The following SLC7A2 variants were observed in gnomAD, a reference collection of about 807,000 sequenced individuals.
The protein encoded by SLC7A2 is cationic amino acid transporter 2.
SLC7A2 carries 48 observed loss-of-function variants against 58.9 expected under a neutral mutation model. That is an observed-to-expected ratio of 0.82 (90% confidence interval 0.65 to 1.04). The LOEUF (loss-of-function observed/expected upper bound fraction) is 1.04, where lower values mean the gene tolerates loss of function less well. Ranked by LOEUF, SLC7A2 falls within the 50% of genes least tolerant of loss-of-function variation. The probability of loss-of-function intolerance (pLI) is 0.00; values close to 1 mark genes in which losing one functional copy is unlikely to be tolerated. For missense variants in SLC7A2, 1,029 were observed against 818.8 expected (o/e 1.26, Z -3.13); for synonymous variants, 363 against 314.5 (o/e 1.15, Z -1.63).
In SLC7A2 at chr8:17,550,165, A is replaced by C. The variant is rs989671942; in HGVS notation, c.699-136A>C. On this transcript the variant is annotated intron_variant, in intron 5 of 12. Transcript: ENST00000494857. ...TCTGTAGCACAGGGTGAGAGAGTAA[A>C]GTTTTAATTTTATGTATATCATCTT... 2.6e-5 allele frequency: 20 copies of C among 780,104 alleles called. No individual in the cohort carries two copies. In the African/African-American group the frequency reaches 3.0e-4, roughly 12 times the overall value. The allele number at this position is 780,104 out of a possible 1,614,324, so 48.3% of individuals were successfully genotyped here. A position where few individuals can be genotyped will look rare whatever the true frequency, so the allele number is the denominator to read the frequency against.
intron 8 of SLC7A2, among the ~76,000 whole-genome samples, chr8:17,557,820 C>T (rs947228556): frequency 6.7e-6 from 1 of 149,368 alleles, no homozygotes; most frequent in Non-Finnish European, 1.5e-5. Flanking sequence ...AAAGTGAGCC[C>T]TGTCTCAAAA....
Position 17,543,483 on chromosome 8 carries a change from T to G in SLC7A2, c.144T>G (p.Leu48=). The G allele has an allele frequency of 6.2e-7, 1 of 1,614,084 alleles. No homozygotes were observed. Among genetic ancestry groups the G allele is most frequent in the Non-Finnish European group, 8.5e-7 (1 of 1,180,020 alleles). Residue 48 remains leucine, a synonymous_variant, in exon 3 of 13, where the codon CTT becomes CTG. Coordinates refer to ENST00000494857, the MANE Select transcript of SLC7A2 (RefSeq NM_001370338.1). ...DLIALGVGST[L]GAGVYVLAGE... is the part of the protein sequence containing the mutation. ...TTGCCCTGGGCGTTGGAAGCACCCT[T>G]GGGGCCGGGGTTTATGTCCTCGCTG... is the stretch of plus-strand genomic sequence containing the variant.
At chr8:17,543,879 G>GT (rs1479309259) in intron 3 of SLC7A2, among the ~76,000 whole-genome samples, 164 bp downstream of exon 3, 6 of 151,592 alleles carry the variant, frequency 4.0e-5, no homozygotes, top group Admixed American at 1.3e-4. Flanking sequence ...AATTCTGTGG[G>GT]TTTTTTTTAA....
In SLC7A2 at chr8:17,527,948, A is replaced by G. The variant is rs868064956; in HGVS notation, c.-22-15370A>G. On this transcript the variant is annotated intron_variant, in intron 2 of 12. Coordinates refer to ENST00000494857, the MANE Select transcript of SLC7A2 (RefSeq NM_001370338.1). ...TAATTAGGATTTTTTTATGTGACATAAAAATAGAGTTCTGTGAGAACAGGG... is the reference window on the plus strand; with the variant it reads ...TAATTAGGATTTTTTTATGTGACATGAAAATAGAGTTCTGTGAGAACAGGG... Among the ~76,000 whole-genome samples, 9 of 152,292 alleles carry G rather than the reference A, an allele frequency of 5.9e-5. No homozygotes were observed. In the South Asian group the frequency reaches 1.0e-3, roughly 18 times the overall value.
intron 2 of SLC7A2, among the ~76,000 whole-genome samples, chr8:17,518,514 C>T (rs902492596): frequency 6.6e-6 from 1 of 152,098 alleles, no homozygotes; most frequent in Non-Finnish European, 1.5e-5. Context: ...CACTCTCCTT[C>T]CTCAGCCTAG....
At chr8:17,562,564 C>G (rs1354802159) in intron 11 of SLC7A2, among the ~76,000 whole-genome samples, 1 of 152,062 alleles carries the variant, frequency 6.6e-6, no homozygotes, top group African/African-American at 2.4e-5. Context: ...GTCTCAAACT[C>G]CTGACCTCAG....
In SLC7A2 at chr8:17,543,396, C is replaced by T. The variant is rs767290137; in HGVS notation, c.57C>T (p.Ile19=). 23 of 1,614,034 alleles carry T rather than the reference C, an allele frequency of 1.4e-5. No homozygotes were observed. Among genetic ancestry groups the T allele is most frequent in the South Asian group, 2.2e-5 (2 of 91,084 alleles). The part of the protein sequence containing the change: ...TFARCLIRRK[I]VTLDSLEDTK... ...CCCGATGTCTGATCCGGAGAAAAAT[C>T]GTGACCCTGGACAGTCTAGAAGACA... The change falls in exon 3 of 13, where the codon ATC becomes ATT. Residue 19 remains isoleucine, a synonymous_variant. Coordinates refer to ENST00000494857, the MANE Select transcript of SLC7A2 (RefSeq NM_001370338.1).
intron 1 of SLC7A2, chr8:17,498,542 G>C (rs1344712845): frequency 6.6e-6 from 1 of 152,130 alleles, no homozygotes; most frequent in Non-Finnish European, 1.5e-5. Flanking sequence ...CAGAACACAG[G>C]ACTTCTTCCC....
chr8:17,544,317 A>G, intron 3 of SLC7A2, 134 bp from the exon 4 acceptor site: 1 of 620,992 alleles, frequency 1.6e-6, no homozygotes, highest in Non-Finnish European at 2.8e-6. Context: ...ATGATTATAA[A>G]TATCCAGATA....
chr8:17,512,461 C>T (rs746078049), intron 2 of SLC7A2, among the ~76,000 whole-genome samples: 3 of 152,068 alleles, frequency 2.0e-5, no homozygotes, highest in South Asian at 4.1e-4. Context: ...GCAGGAGAAT[C>T]GCTTGAACCA....
intron 2 of SLC7A2, among the ~76,000 whole-genome samples, chr8:17,502,707 C>G (rs1273341087): frequency 6.6e-6 from 1 of 152,072 alleles, no homozygotes; most frequent in African/African-American, 2.4e-5. Context: ...TCTACTCAGG[C>G]AGATTATTTA....
chr8:17,526,676 A>G (rs1271396821), intron 2 of SLC7A2, among the ~76,000 whole-genome samples: 1 of 152,248 alleles, frequency 6.6e-6, no homozygotes, highest in South Asian at 2.1e-4. Context: ...GCCAATGTAG[A>G]TGCTGGAAAC....
chr8:17,554,738 T>A, intron 8 of SLC7A2, 39 bp downstream of exon 8: 1 of 1,577,280 alleles, frequency 6.3e-7, no homozygotes, highest in Non-Finnish European at 8.6e-7. Flanking sequence ...ACGGGGGATC[T>A]TTTTCATCAA....
chr8:17,502,520 A>G (rs919424489), intron 2 of SLC7A2, among the ~76,000 whole-genome samples: 1 of 152,198 alleles, frequency 6.6e-6, no homozygotes, highest in Non-Finnish European at 1.5e-5. Context: ...TTCCTATAAG[A>G]TATTGCTCTT....
chr8:17,546,575 G>A (rs189214414), intron 4 of SLC7A2, among the ~76,000 whole-genome samples: 1 of 152,184 alleles, frequency 6.6e-6, no homozygotes, highest in Non-Finnish European at 1.5e-5. Context: ...TATAAAGGTG[G>A]CTTTGTTATT....
chr8:17,550,449 T>G lies in SLC7A2; in HGVS notation c.832+15T>G. The G allele has an allele frequency of 6.2e-7, 1 of 1,610,966 alleles. No homozygotes were observed. The highest frequency in any genetic ancestry group is 8.5e-7 in the Non-Finnish European group (1 of 1,178,260). On this transcript the variant is annotated intron_variant, in intron 6 of 12. Coordinates refer to ENST00000494857, the MANE Select transcript of SLC7A2 (RefSeq NM_001370338.1). ...TGCAACAACTGGTAAGAGCAGTGTC[T>G]TGGCTCAGTGTAGAAGGAGTGTTCC... is the stretch of plus-strand genomic sequence containing the variant.
At chr8:17,550,266 A>G (rs376209754) in intron 5 of SLC7A2, 35 bp from the exon 6 acceptor site, 1 of 1,604,032 alleles carries the variant, frequency 6.2e-7, no homozygotes, top group South Asian at 1.1e-5. Context: ...TTTTCTGTCA[A>G]AGTGACTTTC....
chr8:17,499,384 C>T (rs1163663980), intron 1 of SLC7A2: 1 of 149,744 alleles, frequency 6.7e-6, no homozygotes, highest in East Asian at 2.0e-4. Context: ...TTCTCTCTCC[C>T]TCTCTCTGTC....
intron 2 of SLC7A2, among the ~76,000 whole-genome samples, chr8:17,516,793 A>C (rs1342333768): frequency 2.6e-5 from 4 of 152,232 alleles, no homozygotes; most frequent in African/African-American, 9.6e-5. Flanking sequence ...TGGTTTAAGC[A>C]TTCAAGAAAA....
Sources: allele counts gnomAD v4.1 joint callset (sites outside exome capture counted in the v4.1 genomes callset), GRCh38; gene constraint gnomAD v4.1.1; transcripts MANE v1.5; gene names NCBI Gene and HGNC (gene_info 2026-07-23, HGNC 2026-07-21).